Variants in LAMA5 observed in about 807,000 individuals in gnomAD.
LAMA5 encodes laminin subunit alpha-5.
In LAMA5, 260 loss-of-function variants were observed where a neutral mutation model predicts 433.4. The ratio of observed to expected loss-of-function variants is 0.60; its 90% CI spans 0.54 to 0.66. The LOEUF (loss-of-function observed/expected upper bound fraction) is 0.66. Ranked by LOEUF, LAMA5 falls within the 30% of genes least tolerant of loss-of-function variation. The pLI, the probability that LAMA5 is intolerant of heterozygous loss-of-function variation, is 0.00. For synonymous variants in LAMA5, 2,620 were observed against 2,226.6 expected, an observed-to-expected ratio of 1.18 and a Z score of -4.97; for missense variants, 5,378 against 5,258.5, an observed-to-expected ratio of 1.02 and a Z score of -0.70.
At position 62,332,706 on chromosome 20, in the gene LAMA5, C is replaced by T. The variant is rs1180052619; in HGVS notation, c.3294G>A (p.Gln1098=). The change falls in exon 27 of 80, where the codon CAG becomes CAA. Residue 1098 remains glutamine, a synonymous_variant. Transcript: ENST00000252999. ...CTGGCTGTGGCACTGCCACTTGAAG[C>T]TGGACGTCCACCTGCAGGGAAGGCA... ...ITCTGSDVDV[Q]LQVAVPQPGR... is the part of the protein sequence containing the mutation. 6.2e-7 allele frequency: 1 copy of T among 1,610,742 alleles called. No individual in the cohort carries two copies. The highest frequency in any genetic ancestry group is 1.1e-5 in the South Asian group (1 of 90,876).
In LAMA5 at chr20:62,320,647, C is replaced by T; in HGVS notation, c.6671G>A (p.Gly2224Asp). The change falls in exon 50 of 80, where the codon GGC (glycine) becomes GAC (aspartate). Residue 2224 changes from glycine (G) to aspartate (D), a missense_variant. Physicochemically the swap from Gly to Asp is moderately conservative, Grantham distance 94. Coordinates refer to ENST00000252999, the MANE Select transcript of LAMA5 (RefSeq NM_005560.6). The part of the protein sequence containing the change: ...DLQSQLRSPL[G>D]PRHETAQQLE... Reference sequence around the variant, plus strand: ...CTGCTGTGCCGTCTCATGGCGGGGGCCCAGGGGGCTCCGGAGCTGGCTCTG... The same window carrying T: ...CTGCTGTGCCGTCTCATGGCGGGGGTCCAGGGGGCTCCGGAGCTGGCTCTG... 1 of 1,601,894 alleles carries T rather than the reference C, an allele frequency of 6.2e-7. No homozygotes were observed. The highest frequency in any genetic ancestry group is 8.5e-7 in the Non-Finnish European group (1 of 1,175,988).
At chr20:62,338,783 A>C (rs1014476816) in intron 11 of LAMA5, among the ~76,000 whole-genome samples, 175 bp from the exon 12 acceptor site, 2 of 152,230 alleles carry the variant, frequency 1.3e-5, no homozygotes, top group African/African-American at 4.8e-5. Flanking sequence ...TCACGCCTGT[A>C]ATCCCAGCAC....
chr20:62,317,322 C>T (rs774147706), intron 55 of LAMA5, 23 bp downstream of exon 55: 2 of 1,589,186 alleles, frequency 1.3e-6, no homozygotes, highest in Non-Finnish European at 8.5e-7. Context: ...GGGCCCAGGG[C>T]CCCTCCTCTC....
At chr20:62,325,219 A>G in intron 41 of LAMA5, 97 bp downstream of exon 41, 1 of 768,844 alleles carries the variant, frequency 1.3e-6, no homozygotes, top group Non-Finnish European at 2.0e-6. Context: ...GGGTGACAGG[A>G]AGTGGAGGCA....
In LAMA5 at chr20:62,329,024, C is replaced by T. The variant is rs149794678; in HGVS notation, c.4267G>A (p.Ala1423Thr). 2.0e-5 allele frequency: 32 copies of T among 1,612,686 alleles called. No individual in the cohort carries two copies. Among genetic ancestry groups the T allele is most frequent in the Middle Eastern group, 1.7e-4 (1 of 6,056 alleles). ...PSSSSLFCRNAAASLSLFYNN... is the reference protein window; with the variant it reads ...PSSSSLFCRNTAASLSLFYNN... ...TAGAAGAGGGAGAGGGAAGCAGCAG[C>T]GTTTCGGCAGAACAGGGATGAGCTG... Residue 1423 changes from alanine (A) to threonine (T), a missense_variant, in exon 34 of 80, where the codon GCT (alanine) becomes ACT (threonine). By Grantham distance (58) the Ala-to-Thr change is moderately conservative (BLOSUM62 0). Coordinates refer to ENST00000252999, the MANE Select transcript of LAMA5 (RefSeq NM_005560.6).
intron 62 of LAMA5, 125 bp downstream of exon 62, chr20:62,314,179 G>C (rs1986673256): frequency 8.1e-7 from 1 of 1,239,936 alleles, no homozygotes; most frequent in East Asian, 2.3e-5. Flanking sequence ...GGCACGGAGA[G>C]GCGAGGGGTG....
chr20:62,324,252 C>T lies in LAMA5; in HGVS notation c.5644-48G>A. ...AGCTATGGTGGACACCCACATCCTA[C>T]TGCCGAGTCTGTGCAGCTCCCACCA... On this transcript the variant is annotated intron_variant, in intron 42 of 79. Transcript: ENST00000252999. The surrounding 1 kb of genome is among the most constrained non-coding windows in gnomAD (Gnocchi z 4.4). 6.4e-7 allele frequency: 1 copy of T among 1,570,438 alleles called. No homozygotes were observed. Among genetic ancestry groups the T allele is most frequent in the Non-Finnish European group, 8.6e-7 (1 of 1,167,840 alleles).
intron 11 of LAMA5, among the ~76,000 whole-genome samples, chr20:62,344,652 T>C (rs1199305916): frequency 2.0e-5 from 3 of 152,112 alleles, no homozygotes; most frequent in Admixed American, 6.5e-5. Context: ...TTTCACCATG[T>C]TGGCCAGGCT....
rs149189644 is a variant in LAMA5, at chr20:62,326,252, A to G, written c.5298+425T>C. ...ACAAACAAAAAAAAAAAAACAAAGAAAAACCAGATGAGCTGTGAGAGGGGA... is the reference window on the plus strand; with the variant it reads ...ACAAACAAAAAAAAAAAAACAAAGAGAAACCAGATGAGCTGTGAGAGGGGA... On this transcript the variant is annotated intron_variant, in intron 40 of 79. Coordinates refer to ENST00000252999, the MANE Select transcript of LAMA5 (RefSeq NM_005560.6). Among the ~76,000 whole-genome samples, 475 of 152,180 alleles carry G rather than the reference A, an allele frequency of 3.1e-3. 5 individuals are homozygous for G. Among genetic ancestry groups the G allele is most frequent in the African/African-American group, 0.01 (418 of 41,526 alleles).
Position 62,313,385 on chromosome 20 carries a change from G to A in LAMA5, c.8734C>T (p.Leu2912Phe), listed in dbSNP as rs1471010853. The change falls in exon 64 of 80, where the codon CTC (leucine) becomes TTC (phenylalanine). Residue 2912 changes from leucine (L) to phenylalanine (F), a missense_variant. Transcript: ENST00000252999. ...TGGAAGGTCCTCTCGAAGTTGTAGA[G>A]GCTGACCACCTCCTCATTCAGCGTG... ...MDTLNEEVVSLYNFERTFQLD... is the reference protein window; with the variant it reads ...MDTLNEEVVSFYNFERTFQLD... 11 of 1,603,112 alleles carry A rather than the reference G, an allele frequency of 6.9e-6. No individual in the cohort carries two copies. Among genetic ancestry groups the A allele is most frequent in the Middle Eastern group, 1.7e-4 (1 of 6,052 alleles).
At chr20:62,341,654 T>C (rs1173885119) in intron 11 of LAMA5, among the ~76,000 whole-genome samples, 1 of 152,084 alleles carries the variant, frequency 6.6e-6, no homozygotes, top group Non-Finnish European at 1.5e-5. Context: ...AAGAAGCTAT[T>C]TTAAAAAAGT....
Position 62,327,520 on chromosome 20 carries a change from C to T in LAMA5, c.4938+9G>A. 6.2e-7 allele frequency: 1 copy of T among 1,612,882 alleles called. No homozygotes were observed. Among genetic ancestry groups the T allele is most frequent in the South Asian group, 1.1e-5 (1 of 91,080 alleles). On this transcript the variant is annotated intron_variant, in intron 37 of 79. Transcript: ENST00000252999. ...CGAGAAGGCAATGCCCTCAGTCCTG[C>T]AGGCGCACCTCCTGGCGGGTGTAGG... is the stretch of plus-strand genomic sequence containing the variant.
intron 2 of LAMA5, among the ~76,000 whole-genome samples, chr20:62,355,992 C>T (rs1171578459): frequency 6.6e-6 from 1 of 152,226 alleles, no homozygotes; most frequent in Non-Finnish European, 1.5e-5. Flanking sequence ...GCGCTCTCCT[C>T]GGCCCGATCT....
At chr20:62,316,441 C>T in intron 57 of LAMA5, 1 of 522,312 alleles carries the variant, frequency 1.9e-6, no homozygotes, top group Non-Finnish European at 3.4e-6. Context: ...CAGCTGGTGC[C>T]TCAGTGGCAG....
At position 62,332,450 on chromosome 20, in the gene LAMA5, G is replaced by T. The variant is rs1317617438; in HGVS notation, c.3474C>A (p.Thr1158=). 1 of 1,612,582 alleles carries T rather than the reference G, an allele frequency of 6.2e-7. No homozygotes were observed. Among genetic ancestry groups the T allele is most frequent in the Non-Finnish European group, 8.5e-7 (1 of 1,179,950 alleles). ...STLCRGTARD[T]QDHLAVFHLD... ...GGTGGAAGACAGCCAGGTGGTCCTG[G>T]GTATCCCGGGCAGTGCCCCGGCACA... The change falls in exon 28 of 80, where the codon ACC becomes ACA. Residue 1158 remains threonine (T), a synonymous_variant. Transcript: ENST00000252999.
Position 62,318,427 on chromosome 20 carries a change from GAGGAAGAACA to G in LAMA5, c.7239+17_7239+26del. On this transcript the variant is annotated intron_variant, in intron 53 of 79. Coordinates refer to ENST00000252999, the MANE Select transcript of LAMA5 (RefSeq NM_005560.6). The stretch of plus-strand genomic sequence containing the variant: ...AGGGAGGAGGCGGGAAGAGGAGCAG[GAGGAAGAACA>G]AGTCCGGGGTCCTCACCAGGGCTTC... 1.9e-6 allele frequency: 3 copies of G among 1,573,422 alleles called. No homozygotes were observed.
At chr20:62,320,988 G>T in intron 48 of LAMA5, 98 bp from the exon 49 acceptor site, 1 of 1,357,104 alleles carries the variant, frequency 7.4e-7, no homozygotes, top group Non-Finnish European at 1.0e-6. Context: ...GGAGGGCTCA[G>T]CCAGAGGTCA....
chr20:62,313,152 T>TTGG lies in LAMA5; in HGVS notation c.8888_8890dup (p.Thr2963dup). 6.2e-7 allele frequency: 1 copy of TTGG among 1,604,278 alleles called. No homozygotes were observed. Among genetic ancestry groups the TTGG allele is most frequent in the Non-Finnish European group, 8.5e-7 (1 of 1,178,116 alleles). On this transcript the variant is annotated inframe_insertion, in exon 65 of 80. Transcript: ENST00000252999. ...GAGCCGCAGCTCCTGCTCGAAGCGC[T>TTGG]TGGTGGTGCTGATCTGACTGTCGAA...
rs1277036491 is a variant in LAMA5 at position 62,332,437 on chromosome 20, CCAGGTGG to C, written c.3480_3486del (p.Asp1160GlufsTer12). ...GCCTCCGAGTCCAGGTGGAAGACAG[CCAGGTGG>C]TCCTGGGTATCCCGGGCAGTGCCCC... On this transcript the variant is annotated frameshift_variant, in exon 28 of 80. Coordinates refer to ENST00000252999, the MANE Select transcript of LAMA5 (RefSeq NM_005560.6). LOFTEE classifies it high-confidence loss of function. The C allele has an allele frequency of 6.2e-7, 1 of 1,612,786 alleles. No homozygotes were observed. Among genetic ancestry groups the C allele is most frequent in the Admixed American group, 1.7e-5 (1 of 60,024 alleles).
Sources: allele counts gnomAD v4.1 joint callset (sites outside exome capture counted in the v4.1 genomes callset), GRCh38; gene constraint gnomAD v4.1.1; non-coding constraint Gnocchi (gnomAD v3.1); transcripts MANE v1.5; gene names NCBI Gene and HGNC (gene_info 2026-07-23, HGNC 2026-07-21).